Variants in SRGAP2 observed in about 807,000 individuals in gnomAD.
The protein encoded by SRGAP2 is SLIT-ROBO Rho GTPase-activating protein 2.
Under a neutral mutation model 57.2 loss-of-function variants are expected in SRGAP2, and 15 were observed. The ratio of observed to expected loss-of-function variants is 0.26; its 90% confidence interval spans 0.18 to 0.40. The LOEUF (loss-of-function observed/expected upper bound fraction) is 0.40. Among genes scored for constraint, SRGAP2 ranks in the 10% least tolerant of loss-of-function variants. The probability of loss-of-function intolerance (pLI) is 1.00; values close to 1 mark genes in which losing one functional copy is unlikely to be tolerated. For synonymous variants in SRGAP2, 249 were observed against 248.0 expected, an observed-to-expected ratio of 1.00 and a Z score of -0.04; for missense variants, 520 against 669.6, an observed-to-expected ratio of 0.78 and a Z score of 2.47.
At chr1:206,307,530 C>G (rs1388931375) in intron 3 of SRGAP2, among the ~76,000 whole-genome samples, 3 of 152,092 alleles carry the variant, frequency 2.0e-5, no homozygotes, top group Non-Finnish European at 4.4e-5. Context: ...AGGCTCCGGC[C>G]GCACAGGAGC....
intron 7 of SRGAP2, among the ~76,000 whole-genome samples, chr1:206,399,808 C>T (rs1354225562): frequency 6.6e-6 from 1 of 152,118 alleles, no homozygotes. Context: ...AGCAGCATCT[C>T]CCAGAGAGCC....
At chr1:206,303,234 T>C in intron 2 of SRGAP2, 47 bp from the exon 3 acceptor site, 1 of 1,378,306 alleles carries the variant, frequency 7.3e-7, no homozygotes, top group Non-Finnish European at 9.6e-7. Flanking sequence ...GCATGGTGGC[T>C]TATTTAGGGC....
chr1:206,457,040 G>A (rs897633414), intron 21 of SRGAP2, among the ~76,000 whole-genome samples: 2 of 151,994 alleles, frequency 1.3e-5, no homozygotes, highest in South Asian at 2.1e-4. Flanking sequence ...TGGTACTCAC[G>A]CTTCACTCAG....
chr1:206,452,837 G>T (rs964853679), intron 19 of SRGAP2, among the ~76,000 whole-genome samples: 1 of 128,632 alleles, frequency 7.8e-6, no homozygotes, highest in African/African-American at 3.0e-5. Context: ...AGTGAGCCAA[G>T]ATCGAGCCAC....
intron 21 of SRGAP2, chr1:206,456,132 A>G (rs1242591541): frequency 6.6e-6 from 1 of 152,244 alleles, no homozygotes; most frequent in Non-Finnish European, 1.5e-5. Context: ...TGGAAGGAGA[A>G]TAAAGGATGC....
chr1:206,463,151 T>A lies in SRGAP2; in HGVS notation c.*1731T>A, dbSNP rs1387671899. ...TAGGTCTATGGAAAGTGGTAGGATT[T>A]TTTTTTTTTTAATCCTGTGCAAAGG... is the stretch of plus-strand genomic sequence containing the variant. On this transcript the variant is annotated 3_prime_UTR_variant, in exon 23 of 23. Coordinates refer to ENST00000573034, the MANE Select transcript of SRGAP2 (RefSeq NM_015326.5). 2 of 150,492 alleles carry A rather than the reference T, an allele frequency of 1.3e-5. No homozygotes were observed. Among genetic ancestry groups the A allele is most frequent in the Non-Finnish European group, 3.0e-5 (2 of 67,332 alleles). 9.3% of individuals were successfully genotyped at this position (150,492 alleles called of 1,614,324 possible).
intron 3 of SRGAP2, among the ~76,000 whole-genome samples, chr1:206,305,848 G>C (rs1672162100): frequency 2.0e-5 from 3 of 151,834 alleles, no homozygotes; most frequent in African/African-American, 7.3e-5. Context: ...CTCAAAATAA[G>C]CCAGAATGAA....
rs1654816213 is a variant in SRGAP2 at position 206,373,006 on chromosome 1, TTTC to T, written c.424-11005_424-11003del. 1.3e-4 allele frequency among the ~76,000 whole-genome samples: 16 copies of T among 121,084 alleles called. 1 individual carries two copies. Among genetic ancestry groups the T allele is most frequent in the African/African-American group, 4.5e-4 (14 of 31,200 alleles). The allele number at this position is 121,084 out of a possible 152,430, so 79.4% of individuals were successfully genotyped here. A position where few individuals can be genotyped will look rare whatever the true frequency, so the allele number is the denominator to read the frequency against. Reference sequence around the variant, plus strand: ...CTTTCTTTCTTTCTTTCTTTCTTTCTTTCTTTCTTTCTTTCTTTCTTTTCTTTC... The same window carrying T: ...CTTTCTTTCTTTCTTTCTTTCTTTCTTTTCTTTCTTTCTTTCTTTTCTTTC... On this transcript the variant is annotated intron_variant, in intron 4 of 22. Coordinates refer to ENST00000573034, the MANE Select transcript of SRGAP2 (RefSeq NM_015326.5).
intron 3 of SRGAP2, chr1:206,333,287 A>C (rs1674516835): frequency 8.5e-7 from 1 of 1,173,532 alleles, no homozygotes; most frequent in East Asian, 2.4e-5. Flanking sequence ...AGCTGTTCCT[A>C]TTCGGCCATC....
intron 19 of SRGAP2, among the ~76,000 whole-genome samples, chr1:206,452,670 C>T (rs1184633071): frequency 3.9e-5 from 6 of 151,992 alleles, no homozygotes; most frequent in Non-Finnish European, 5.9e-5. Context: ...AGGCAGATCA[C>T]GAGGTCAGGA....
At chr1:206,322,472 G>T (rs1162166674) in intron 3 of SRGAP2, among the ~76,000 whole-genome samples, 1 of 151,512 alleles carries the variant, frequency 6.6e-6, no homozygotes, top group Non-Finnish European at 1.5e-5. Context: ...CCCAGCTACT[G>T]GGGAGGCTGA....
At chr1:206,385,058 A>T (rs1553348052) in intron 5 of SRGAP2, among the ~76,000 whole-genome samples, 2 of 142,258 alleles carry the variant, frequency 1.4e-5, no homozygotes, top group African/African-American at 2.8e-5. Flanking sequence ...CATGACAGGC[A>T]TTTGGGATCA....
At position 206,216,427 on chromosome 1, in the gene SRGAP2, G is replaced by T. The variant is rs1198086152; in HGVS notation, c.67+10390G>T. ...TCACCATTTTAATCAGGCACTAAAA[G>T]TCTAAGTTTGAGAAAGTTTGTCTGT... On this transcript the variant is annotated intron_variant, in intron 2 of 22. Coordinates refer to ENST00000573034, the MANE Select transcript of SRGAP2 (RefSeq NM_015326.5). 2.0e-5 allele frequency among the ~76,000 whole-genome samples: 3 copies of T among 151,646 alleles called. No homozygotes were observed. In the East Asian group the frequency reaches 5.8e-4, roughly 29 times the overall value.
intron 13 of SRGAP2, among the ~76,000 whole-genome samples, chr1:206,424,552 G>A (rs1553365619): frequency 6.6e-6 from 1 of 152,226 alleles, no homozygotes; most frequent in Admixed American, 6.5e-5. Flanking sequence ...CTACTCATGA[G>A]TCTGAGGCAG....
intron 16 of SRGAP2, among the ~76,000 whole-genome samples, chr1:206,439,198 A>G (rs1553371067): frequency 2.6e-5 from 4 of 152,090 alleles, no homozygotes; most frequent in Non-Finnish European, 5.9e-5. Flanking sequence ...AAAGGCACTC[A>G]TAGAAAATGG....
chr1:206,447,360 G>A (rs907472580), intron 18 of SRGAP2, among the ~76,000 whole-genome samples: 1 of 152,150 alleles, frequency 6.6e-6, no homozygotes, highest in Non-Finnish European at 1.5e-5. Context: ...AGGCCAATTG[G>A]TCCACGCTTC....
chr1:206,303,925 C>T (rs1264748697), intron 3 of SRGAP2, among the ~76,000 whole-genome samples: 2 of 152,106 alleles, frequency 1.3e-5, no homozygotes, highest in Non-Finnish European at 2.9e-5. Flanking sequence ...CACACTCACA[C>T]TCACACACCC....
At chr1:206,286,683 T>C (rs1485308958) in intron 2 of SRGAP2, among the ~76,000 whole-genome samples, 2 of 152,056 alleles carry the variant, frequency 1.3e-5, no homozygotes, top group Non-Finnish European at 2.9e-5. Flanking sequence ...CACTTTCAGA[T>C]GGAGTGGTCA....
chr1:206,243,537 C>T (rs752606540), intron 2 of SRGAP2, among the ~76,000 whole-genome samples: 42 of 152,186 alleles, frequency 2.8e-4, no homozygotes, highest in Non-Finnish European at 5.3e-4. Context: ...GGCTTCGAGT[C>T]ATAGGGAAAC....
Sources: allele counts gnomAD v4.1 joint callset (sites outside exome capture counted in the v4.1 genomes callset), GRCh38; gene constraint gnomAD v4.1.1; transcripts MANE v1.5; gene names NCBI Gene and HGNC (gene_info 2026-07-23, HGNC 2026-07-21).